The following PTPRM variants were observed in gnomAD, a reference collection of about 807,000 sequenced individuals.
The protein encoded by PTPRM is receptor-type tyrosine-protein phosphatase mu.
In PTPRM, 47 loss-of-function variants were observed where a neutral mutation model predicts 186.7. The observed-to-expected ratio is 0.25, with a 90% CI of 0.20 to 0.32. The LOEUF is 0.32. Ranked by LOEUF, PTPRM falls within the 10% of genes least tolerant of loss-of-function variation. PTPRM has a pLI of 1.00. For synonymous variants in PTPRM, 668 were observed against 674.9 expected, an observed-to-expected ratio of 0.99 and a Z score of 0.16; for missense variants, 1,494 against 1,865.0, an observed-to-expected ratio of 0.80 and a Z score of 3.66.
chr18:8,138,963 G>C (rs1270105153), intron 13 of PTPRM, among the ~76,000 whole-genome samples: 1 of 151,806 alleles, frequency 6.6e-6, no homozygotes, highest in African/African-American at 2.4e-5. Flanking sequence ...CATCCTCCTT[G>C]ACCCGCCATT....
intron 7 of PTPRM, among the ~76,000 whole-genome samples, chr18:8,036,522 G>A (rs1181520768): frequency 1.3e-5 from 2 of 152,188 alleles, no homozygotes; most frequent in Non-Finnish European, 2.9e-5. Flanking sequence ...GTGCAAAAAT[G>A]GTAAATTGAT....
intron 1 of PTPRM, among the ~76,000 whole-genome samples, chr18:7,756,206 T>G (rs1272307308): frequency 6.6e-6 from 1 of 152,164 alleles, no homozygotes; most frequent in Admixed American, 6.5e-5. Context: ...GTGGTTGCTT[T>G]CAGTGTTAGG....
intron 2 of PTPRM, among the ~76,000 whole-genome samples, chr18:7,873,271 C>T (rs530850470): frequency 4.6e-5 from 7 of 152,138 alleles, no homozygotes; most frequent in Non-Finnish European, 1.0e-4. Flanking sequence ...ACCCTAATAG[C>T]TTCTAATGCA....
intron 1 of PTPRM, among the ~76,000 whole-genome samples, chr18:7,663,894 C>G (rs373402318): frequency 7.4e-4 from 112 of 152,236 alleles, no homozygotes; most frequent in African/African-American, 2.5e-3. Context: ...CCCTCTGCCC[C>G]CCTCCAGCCC....
At chr18:7,605,779 G>A (rs567743480) in intron 1 of PTPRM, among the ~76,000 whole-genome samples, 107 of 152,156 alleles carry the variant, frequency 7.0e-4, no homozygotes, top group Admixed American at 1.7e-3. Flanking sequence ...TTTGGGAGAG[G>A]TCTGCCGTGT....
At chr18:7,638,472 C>G (rs2038370265) in intron 1 of PTPRM, among the ~76,000 whole-genome samples, 1 of 152,156 alleles carries the variant, frequency 6.6e-6, no homozygotes, top group African/African-American at 2.4e-5. Context: ...GTATAAATTT[C>G]TCTGTGACTT....
chr18:7,602,650 C>CT (rs898410835), intron 1 of PTPRM, among the ~76,000 whole-genome samples: 127 of 146,484 alleles, frequency 8.7e-4, no homozygotes, highest in African/African-American at 2.4e-3. Flanking sequence ...TGTGGCAATG[C>CT]TTTTTTTTTT....
intron 1 of PTPRM, among the ~76,000 whole-genome samples, chr18:7,614,591 C>A (rs192247756): frequency 6.6e-6 from 1 of 152,276 alleles, no homozygotes; most frequent in East Asian, 1.9e-4. Context: ...TTATAGGCAG[C>A]CAATCTGTTT....
rs1476212003 is a variant in PTPRM at position 7,827,589 on chromosome 18, G to A, written c.196+53318G>A. On this transcript the variant is annotated intron_variant, in intron 2 of 32. Coordinates refer to ENST00000580170, the MANE Select transcript of PTPRM (RefSeq NM_001105244.2). ...TTTGCATCTTTCTGTGAGAGCCTTC[G>A]CTCCAGCACATCAATGATCTTGGGC... Among the ~76,000 whole-genome samples the A allele has an allele frequency of 3.3e-5, 5 of 152,092 alleles. No individual in the cohort carries two copies. In the South Asian group the frequency reaches 1.0e-3, roughly 32 times the overall value.
chr18:7,816,390 A>C (rs550735886), intron 2 of PTPRM, among the ~76,000 whole-genome samples: 4 of 152,202 alleles, frequency 2.6e-5, no homozygotes, highest in African/African-American at 9.6e-5. Flanking sequence ...TACTTCCCTC[A>C]TATACTTGTA....
chr18:7,962,297 A>G (rs1324809222), intron 7 of PTPRM, among the ~76,000 whole-genome samples: 2 of 152,226 alleles, frequency 1.3e-5, no homozygotes, highest in East Asian at 3.8e-4. Flanking sequence ...ATATATATAC[A>G]TATGGAGGAT....
chr18:7,997,907 A>G (rs749881142), intron 7 of PTPRM, among the ~76,000 whole-genome samples: 2 of 152,182 alleles, frequency 1.3e-5, no homozygotes, highest in Non-Finnish European at 2.9e-5. Context: ...GAGAAAGGAG[A>G]ACTCTCATGT....
rs530875603 is a variant in PTPRM, at chr18:7,914,298, A to G, written c.547+7715A>G. Among the ~76,000 whole-genome samples, 45 of 152,266 alleles carry G rather than the reference A, an allele frequency of 3.0e-4. 1 individual carries two copies. The highest frequency in any genetic ancestry group is 1.1e-3 in the African/African-American group (45 of 41,580). On this transcript the variant is annotated intron_variant, in intron 4 of 32. Coordinates refer to ENST00000580170, the MANE Select transcript of PTPRM (RefSeq NM_001105244.2). ...AAGATAGAGTCGACTTCTAAAAGTT[A>G]TTTATATGTAGTGGCTACCTTAGTT...
intron 1 of PTPRM, among the ~76,000 whole-genome samples, chr18:7,638,981 T>C (rs1233392559): frequency 2.6e-5 from 4 of 152,358 alleles, no homozygotes; most frequent in African/African-American, 7.2e-5. Flanking sequence ...ATCTTAACCA[T>C]GTTTATTTCT....
At chr18:7,995,366 G>C (rs1275296486) in intron 7 of PTPRM, among the ~76,000 whole-genome samples, 1 of 152,054 alleles carries the variant, frequency 6.6e-6, no homozygotes, top group Non-Finnish European at 1.5e-5. Flanking sequence ...AATTGAGATG[G>C]ATTCTTCTAC....
chr18:7,634,295 C>G (rs1598585229), intron 1 of PTPRM, among the ~76,000 whole-genome samples: 2 of 152,042 alleles, frequency 1.3e-5, no homozygotes, highest in East Asian at 1.9e-4. Context: ...GTACTGTTGC[C>G]TCTCTTCAAT....
intron 1 of PTPRM, among the ~76,000 whole-genome samples, chr18:7,685,681 G>A (rs887628277): frequency 1.2e-4 from 19 of 152,076 alleles, no homozygotes; most frequent in Admixed American, 7.9e-4. Context: ...CACAGCAAAA[G>A]CAAAACCATT....
chr18:7,909,789 A>G (rs1224674551), intron 4 of PTPRM, among the ~76,000 whole-genome samples: 1 of 141,388 alleles, frequency 7.1e-6, no homozygotes, highest in Non-Finnish European at 1.6e-5. Context: ...ATATTCTGAT[A>G]CAAGTATATA....
chr18:8,082,085 T>C (rs1211162605), intron 9 of PTPRM, among the ~76,000 whole-genome samples: 1 of 152,022 alleles, frequency 6.6e-6, no homozygotes, highest in Non-Finnish European at 1.5e-5. Flanking sequence ...GTCTTGAGTG[T>C]TTACATGAGC....
Sources: allele counts gnomAD v4.1 joint callset (sites outside exome capture counted in the v4.1 genomes callset), GRCh38; gene constraint gnomAD v4.1.1; transcripts MANE v1.5; gene names NCBI Gene and HGNC (gene_info 2026-07-23, HGNC 2026-07-21).